Variants in TANGO6 observed in about 807,000 individuals in gnomAD.
TANGO6 encodes transport and golgi organization 6 homolog.
Under a neutral mutation model 114.2 loss-of-function variants are expected in TANGO6, and 90 were observed. The ratio of observed to expected loss-of-function variants is 0.79; its 90% CI spans 0.66 to 0.94. TANGO6 has a LOEUF of 0.94. Among genes scored for constraint, TANGO6 ranks in the 40% least tolerant of loss-of-function variants. The pLI is 0.00. For synonymous variants in TANGO6, 477 were observed against 509.8 expected (o/e 0.94, Z 0.87); for missense variants, 1,274 against 1,315.3 (o/e 0.97, Z 0.49).
intron 11 of TANGO6, among the ~76,000 whole-genome samples, chr16:68,915,048 G>A (rs866475533): frequency 6.7e-6 from 1 of 150,240 alleles, no homozygotes; most frequent in Non-Finnish European, 1.5e-5. Context: ...TGTTATCCCA[G>A]CACTTTGGGA....
chr16:68,933,747 A>G (rs1271324883), intron 14 of TANGO6: 1 of 152,258 alleles, frequency 6.6e-6, no homozygotes, highest in East Asian at 1.9e-4. Flanking sequence ...CATGAGGCCC[A>G]ACCCAAAAGT....
chr16:68,924,321 G>A (rs1180413119), intron 12 of TANGO6, among the ~76,000 whole-genome samples: 1 of 152,186 alleles, frequency 6.6e-6, no homozygotes, highest in African/African-American at 2.4e-5. Context: ...CCAGTGCTTT[G>A]GGAGGCCGAG....
intron 16 of TANGO6, chr16:69,025,842 T>A (rs1012901138): frequency 8.7e-6 from 2 of 229,084 alleles, no homozygotes; most frequent in East Asian, 2.2e-4. Context: ...TAATTTTCTA[T>A]TCTTGGCATA....
intron 14 of TANGO6, among the ~76,000 whole-genome samples, chr16:68,971,603 A>G (rs1463076129): frequency 1.3e-5 from 2 of 150,478 alleles, no homozygotes; most frequent in East Asian, 2.0e-4. Context: ...CAAACAATTC[A>G]TTTACCCTTA....
At chr16:68,905,828 G>T (rs1433082674) in intron 9 of TANGO6, among the ~76,000 whole-genome samples, 1 of 151,948 alleles carries the variant, frequency 6.6e-6, no homozygotes, top group African/African-American at 2.4e-5. Flanking sequence ...AGCCACGATC[G>T]CACCACTGCA....
rs1460489882 is a variant in TANGO6, at chr16:68,907,471, C to T, written c.1696C>T (p.Gln566Ter). ...SDEDEDEALY[Q>*]KVSSEQGRVE... ...TGAAGATGAAGATGAAGCCCTGTAC[C>T]AGAAGGTATCCTCTGAGCAGGGCCG... The change falls in exon 10 of 18, where the codon CAG becomes TAG. Residue 566 changes from glutamine (Q) to a stop codon, truncating the protein, a stop_gained. Transcript: ENST00000261778. LOFTEE classifies it high-confidence loss of function. The T allele has an allele frequency of 1.2e-6, 2 of 1,610,288 alleles. No individual in the cohort carries two copies. The highest frequency in any genetic ancestry group is 2.2e-5 in the East Asian group (1 of 44,828).
At chr16:68,998,557 C>T (rs941740240) in intron 15 of TANGO6, among the ~76,000 whole-genome samples, 4 of 151,892 alleles carry the variant, frequency 2.6e-5, no homozygotes, top group African/African-American at 9.7e-5. Context: ...TAGTGAAACC[C>T]TGTCTCTACT....
chr16:69,029,498 A>G (rs574719847), intron 16 of TANGO6, among the ~76,000 whole-genome samples: 2 of 152,324 alleles, frequency 1.3e-5, no homozygotes, highest in East Asian at 3.9e-4. Context: ...CAGTGATTTC[A>G]ATCTTCATTC....
At chr16:68,923,135 T>TGTA (rs1163677906) in intron 12 of TANGO6, among the ~76,000 whole-genome samples, 2 of 149,380 alleles carry the variant, frequency 1.3e-5, no homozygotes, top group African/African-American at 4.9e-5. Flanking sequence ...TTTTTTTTTT[T>TGTA]GTAGTAGAGA....
intron 17 of TANGO6, among the ~76,000 whole-genome samples, chr16:69,068,862 C>T (rs772476222): frequency 1.9e-4 from 29 of 152,038 alleles, no homozygotes; most frequent in Admixed American, 3.3e-4. Flanking sequence ...TACAGGTGCC[C>T]GCCACCACGC....
chr16:68,942,043 T>C (rs1963359817), intron 14 of TANGO6, among the ~76,000 whole-genome samples: 1 of 151,758 alleles, frequency 6.6e-6, no homozygotes, highest in African/African-American at 2.4e-5. Context: ...TTAAAAGTAA[T>C]GTAGAGCCAG....
intron 1 of TANGO6, among the ~76,000 whole-genome samples, chr16:68,845,299 T>C (rs1961786540): frequency 6.6e-6 from 1 of 152,138 alleles, no homozygotes; most frequent in Non-Finnish European, 1.5e-5. Context: ...TGAGAACACG[T>C]TTAAATAAGC....
In TANGO6 at chr16:69,020,071, T is replaced by C. The variant is rs115206612; in HGVS notation, c.2843-2757T>C. 9.5e-3 allele frequency among the ~76,000 whole-genome samples: 1,441 copies of C among 152,312 alleles called. 22 individuals carry two copies. Among genetic ancestry groups the C allele is most frequent in the African/African-American group, 0.033 (1,366 of 41,576 alleles). On this transcript the variant is annotated intron_variant, in intron 15 of 17. Transcript: ENST00000261778. ...TTGTACAAACATCATAAAATGTGCCTACACAAACCTAGATGATATTATATT... is the reference window on the plus strand; with the variant it reads ...TTGTACAAACATCATAAAATGTGCCCACACAAACCTAGATGATATTATATT...
intron 1 of TANGO6, among the ~76,000 whole-genome samples, chr16:68,856,818 A>G (rs902409729): frequency 6.6e-5 from 10 of 152,202 alleles, no homozygotes; most frequent in Non-Finnish European, 1.0e-4. Flanking sequence ...CTAAAAAACC[A>G]TGCTTCCTTG....
Position 68,885,441 on chromosome 16 carries a change from A to C in TANGO6, c.1377+4811A>C, listed in dbSNP as rs551327745. ...AAGAAACTCGTATCCATTAGCTGTC[A>C]TTCTCCATTCTCCCAACTCTGCTCA... On this transcript the variant is annotated intron_variant, in intron 7 of 17. Coordinates refer to ENST00000261778, the MANE Select transcript of TANGO6 (RefSeq NM_024562.2). The C allele has an allele frequency of 4.6e-5, 7 of 152,322 alleles. No homozygotes were observed. The East Asian group carries it at 1.3e-3, about 29-fold the overall frequency. 9.4% of individuals were successfully genotyped at this position (152,322 alleles called of 1,614,324 possible).
intron 17 of TANGO6, among the ~76,000 whole-genome samples, chr16:69,062,982 C>T (rs1357984763): frequency 6.6e-6 from 1 of 151,364 alleles, no homozygotes; most frequent in Non-Finnish European, 1.5e-5. Context: ...AATCCCAGAA[C>T]TTTGGGAGGC....
At chr16:69,032,129 G>A (rs1399655277) in intron 16 of TANGO6, among the ~76,000 whole-genome samples, 2 of 152,078 alleles carry the variant, frequency 1.3e-5, no homozygotes, top group Non-Finnish European at 2.9e-5. Context: ...AGAAGAACAG[G>A]AGTTGGCACC....
At chr16:68,906,439 C>T (rs1157922121) in intron 9 of TANGO6, among the ~76,000 whole-genome samples, 4 of 152,278 alleles carry the variant, frequency 2.6e-5, no homozygotes, top group Non-Finnish European at 2.9e-5. Flanking sequence ...CATCCAAGGC[C>T]TTCTGTGATC....
At position 68,968,733 on chromosome 16, in the gene TANGO6, T is replaced by C. The variant is rs368098152; in HGVS notation, c.2702-5295T>C. 8.9e-4 allele frequency among the ~76,000 whole-genome samples: 118 copies of C among 133,252 alleles called. 1 individual carries two copies. Among genetic ancestry groups the C allele is most frequent in the South Asian group, 2.0e-3 (8 of 4,090 alleles). The allele number at this position is 133,252 out of a possible 152,430, so 87.4% of individuals were successfully genotyped here. On this transcript the variant is annotated intron_variant, in intron 14 of 17. Coordinates refer to ENST00000261778, the MANE Select transcript of TANGO6 (RefSeq NM_024562.2). ...TCGCCCAGGCTGGAGTGCAGTGGCA[T>C]GATCTCGGCTCACTGCAAGCTCCAC...
Sources: allele counts gnomAD v4.1 joint callset (sites outside exome capture counted in the v4.1 genomes callset), GRCh38; gene constraint gnomAD v4.1.1; transcripts MANE v1.5; gene names NCBI Gene and HGNC (gene_info 2026-07-23, HGNC 2026-07-21).